ANK2: variants seen among roughly 807,000 people sequenced by gnomAD.
ANK2 encodes the protein ankyrin-2.
A neutral mutation model predicts 360.5 loss-of-function variants in ANK2; 83 were observed. The observed-to-expected ratio is 0.23, with a 90% CI of 0.19 to 0.28. The LOEUF (loss-of-function observed/expected upper bound fraction) is 0.28. ANK2 is among the 10% of genes least tolerant of loss of function. ANK2 has a pLI of 1.00. For synonymous variants in ANK2, 1,740 were observed against 1,759.5 expected (o/e 0.99, Z 0.28); for missense variants, 4,201 against 4,795.7 (o/e 0.88, Z 3.66).
chr4:112,828,046 CA>C (rs1259360550), intron 1 of ANK2, among the ~76,000 whole-genome samples: 8 of 151,982 alleles, frequency 5.3e-5, no homozygotes, highest in African/African-American at 1.9e-4. Context: ...GGTTAGAGAA[CA>C]CAGAAATAAA....
At chr4:113,205,097 G>A (rs918401877) in intron 4 of ANK2, among the ~76,000 whole-genome samples, 9 of 151,752 alleles carry the variant, frequency 5.9e-5, no homozygotes, top group African/African-American at 2.2e-4. Flanking sequence ...TTAGCTGGGC[G>A]TAGTGGCGGG....
intron 2 of ANK2, among the ~76,000 whole-genome samples, chr4:112,929,475 T>C (rs1038332989): frequency 1.1e-4 from 16 of 152,210 alleles, no homozygotes; most frequent in Non-Finnish European, 1.8e-4. Context: ...GCTCCTGAAC[T>C]TGTTGGCTTG....
chr4:113,071,954 G>A (rs1427870805), intron 1 of ANK2: 1 of 152,234 alleles, frequency 6.6e-6, no homozygotes, highest in Non-Finnish European at 1.5e-5. Context: ...TGTGAAAGGG[G>A]GATGCCCCTT....
At chr4:113,236,820 A>G (rs1378679050) in intron 5 of ANK2, among the ~76,000 whole-genome samples, 167 bp from the exon 6 acceptor site, 2 of 152,234 alleles carry the variant, frequency 1.3e-5, no homozygotes, top group Non-Finnish European at 2.9e-5. Flanking sequence ...AAACTATTCC[A>G]TAATATGATG....
intron 2 of ANK2, among the ~76,000 whole-genome samples, chr4:112,933,719 C>T (rs562243900): frequency 2.2e-4 from 33 of 152,192 alleles, no homozygotes; most frequent in East Asian, 1.2e-3. Context: ...AGGCTGGTCT[C>T]GAACTCCTGA....
intron 1 of ANK2, chr4:112,880,545 A>G (rs2076415322): frequency 6.6e-6 from 1 of 152,222 alleles, no homozygotes; most frequent in Admixed American, 6.5e-5. Context: ...GCAGAGTGTG[A>G]AATGCCAATA....
intron 1 of ANK2, chr4:113,070,290 G>A (rs922236638): frequency 6.9e-6 from 1 of 145,806 alleles, no homozygotes; most frequent in Non-Finnish European, 1.5e-5. Context: ...TTTATTTTTT[G>A]TACTCTACTG....
chr4:113,113,786 A>C lies in ANK2; in HGVS notation c.85-60630A>C, dbSNP rs2094513269. Among the ~76,000 whole-genome samples, 5 of 152,324 alleles carry C rather than the reference A, an allele frequency of 3.3e-5. No individual in the cohort carries two copies. The South Asian group carries it at 1.0e-3, about 32-fold the overall frequency. Reference sequence around the variant, plus strand: ...TCTGTGCAGAGGTCAGCTGGTGAGTATGAGCTACTCTCTTTCCTCAGAGAA... The same window carrying C: ...TCTGTGCAGAGGTCAGCTGGTGAGTCTGAGCTACTCTCTTTCCTCAGAGAA... On this transcript the variant is annotated intron_variant, in intron 1 of 45. Transcript: ENST00000357077.
the ANK2 span, among the ~76,000 whole-genome samples, chr4:112,807,072 C>G: frequency 6.6e-6 from 1 of 152,174 alleles, no homozygotes; most frequent in African/African-American, 2.4e-5. Flanking sequence ...GCATGGCTTC[C>G]AAGGCCCTCT....
chr4:112,968,909 G>A (rs998335778), intron 2 of ANK2, among the ~76,000 whole-genome samples: 10 of 152,154 alleles, frequency 6.6e-5, no homozygotes, highest in African/African-American at 2.2e-4. Context: ...AGGTCTTTTT[G>A]TGTCTTGGCC....
chr4:112,903,818 G>A (rs2084275281), intron 1 of ANK2, among the ~76,000 whole-genome samples: 1 of 152,198 alleles, frequency 6.6e-6, no homozygotes, highest in Admixed American at 6.5e-5. Flanking sequence ...CATTTACAAT[G>A]CTGGTCAGGT....
At chr4:113,325,835 G>A (rs1189288155) in intron 26 of ANK2, among the ~76,000 whole-genome samples, 1 of 152,168 alleles carries the variant, frequency 6.6e-6, no homozygotes, top group East Asian at 1.9e-4. Flanking sequence ...GTAACCTTAA[G>A]TGGTAACAGG....
At chr4:112,784,350 A>ATTT in the ANK2 span, among the ~76,000 whole-genome samples, 26 of 69,548 alleles carry the variant, frequency 3.7e-4, no homozygotes, top group Admixed American at 1.7e-3. Flanking sequence ...ACCCTGACTG[A>ATTT]TTTTTTTTTT....
intron 26 of ANK2, among the ~76,000 whole-genome samples, chr4:113,320,929 C>A (rs1439921201): frequency 2.6e-5 from 4 of 152,156 alleles, no homozygotes; most frequent in African/African-American, 7.2e-5. Flanking sequence ...AAGTACCTGA[C>A]ATTGTGCCAG....
intron 4 of ANK2, among the ~76,000 whole-genome samples, chr4:113,220,696 A>G (rs2099140629): frequency 6.6e-6 from 1 of 152,232 alleles, no homozygotes; most frequent in South Asian, 2.1e-4. Flanking sequence ...GTTATGTGAG[A>G]GTAAATAAAG....
intron 2 of ANK2, among the ~76,000 whole-genome samples, chr4:113,185,492 G>T (rs139562943): frequency 2.0e-5 from 3 of 152,082 alleles, no homozygotes; most frequent in African/African-American, 4.8e-5. Context: ...TCATATGTTT[G>T]TTGGCCACAT....
At chr4:112,784,180 C>T in the ANK2 span, among the ~76,000 whole-genome samples, 1 of 151,840 alleles carries the variant, frequency 6.6e-6, no homozygotes, top group East Asian at 1.9e-4. Context: ...AGCATAAACT[C>T]CTATAAACAA....
At chr4:113,143,721 A>G (rs1010524887) in intron 1 of ANK2, among the ~76,000 whole-genome samples, 5 of 152,192 alleles carry the variant, frequency 3.3e-5, no homozygotes, top group African/African-American at 1.2e-4. Context: ...TTTGTGGACC[A>G]CAGACCTTCT....
At chr4:112,908,971 T>C (rs1236539640) in intron 2 of ANK2, among the ~76,000 whole-genome samples, 1 of 152,214 alleles carries the variant, frequency 6.6e-6, no homozygotes, top group Non-Finnish European at 1.5e-5. Context: ...GGGTTAAATA[T>C]GAAATCATAT....
Sources: allele counts gnomAD v4.1 joint callset (sites outside exome capture counted in the v4.1 genomes callset), GRCh38; gene constraint gnomAD v4.1.1; transcripts MANE v1.5; gene names NCBI Gene and HGNC (gene_info 2026-07-23, HGNC 2026-07-21).